Variants in DLGAP2 observed in about 807,000 individuals in gnomAD.
The protein encoded by DLGAP2 is disks large-associated protein 2.
In DLGAP2, 26 loss-of-function variants were observed where a neutral mutation model predicts 100.3. That is an observed-to-expected ratio of 0.26 (90% CI 0.19 to 0.36). The LOEUF is 0.36. Ranked by LOEUF, DLGAP2 falls within the 10% of genes least tolerant of loss-of-function variation. The probability of loss-of-function intolerance (pLI) is 1.00; values close to 1 mark genes in which losing one functional copy is unlikely to be tolerated. For missense variants in DLGAP2, 1,858 were observed against 1,453.2 expected, an observed-to-expected ratio of 1.28 and a Z score of -4.53; for synonymous variants, 886 against 630.1, an observed-to-expected ratio of 1.41 and a Z score of -6.08.
intron 3 of DLGAP2, among the ~76,000 whole-genome samples, chr8:1,334,150 G>C (rs964616952): frequency 1.3e-5 from 2 of 152,262 alleles, no homozygotes; most frequent in African/African-American, 2.4e-5. Context: ...GAGCTCCTCA[G>C]TGAGGTTCTG....
intron 4 of DLGAP2, among the ~76,000 whole-genome samples, chr8:1,524,988 G>A (rs1247526270): frequency 6.6e-6 from 1 of 152,080 alleles, no homozygotes; most frequent in African/African-American, 2.4e-5. Flanking sequence ...TTGTCCTTTT[G>A]TGGATGGCGG....
intron 2 of DLGAP2, among the ~76,000 whole-genome samples, chr8:1,181,989 T>A (rs539944840): frequency 5.3e-4 from 80 of 152,260 alleles, no homozygotes; most frequent in Non-Finnish European, 9.4e-4. Context: ...AGGCAGAAGG[T>A]GAAGTGGAGC....
Position 1,531,992 on chromosome 8 carries a change from G to GT in DLGAP2, c.173-16633dup, listed in dbSNP as rs1199889378. Among the ~76,000 whole-genome samples, 3 of 152,196 alleles carry GT rather than the reference G, an allele frequency of 2.0e-5. 1 individual carries two copies. The highest frequency in any genetic ancestry group is 4.8e-5 in the African/African-American group (2 of 41,442). On this transcript the variant is annotated intron_variant, in intron 4 of 14. Transcript: ENST00000637795. ...AGGGAGACATGAGACATTAATATAC[G>GT]TAAGAAGTACACTGGTTCCGTCCAG...
chr8:1,556,417 G>T (rs1400191705), intron 5 of DLGAP2, among the ~76,000 whole-genome samples: 2 of 152,148 alleles, frequency 1.3e-5, no homozygotes, highest in Non-Finnish European at 2.9e-5. Flanking sequence ...TTCCTCCCAG[G>T]GCAGCTAAGG....
chr8:1,334,439 T>A (rs963452311), intron 3 of DLGAP2, among the ~76,000 whole-genome samples: 6 of 152,162 alleles, frequency 3.9e-5, no homozygotes, highest in Non-Finnish European at 8.8e-5. Context: ...TCTGTAAATA[T>A]GTGCTGTGGG....
At chr8:798,345 T>G (rs1796078648) in intron 1 of DLGAP2, among the ~76,000 whole-genome samples, 1 of 140,470 alleles carries the variant, frequency 7.1e-6, no homozygotes, top group African/African-American at 2.7e-5. Context: ...AAACGCTTGT[T>G]GAGTCAGGAC....
rs1334727762 is a variant in DLGAP2 at position 1,296,525 on chromosome 8, C to T, written c.106+37642C>T. Reference sequence around the variant, plus strand: ...TTGGTGCTCGTGCTGATCTTTGTCGCTGCCTATCTTGCAGAGTGTGCGTTT... The same window carrying T: ...TTGGTGCTCGTGCTGATCTTTGTCGTTGCCTATCTTGCAGAGTGTGCGTTT... On this transcript the variant is annotated intron_variant, in intron 3 of 14. Transcript: ENST00000637795. 3.5e-5 allele frequency among the ~76,000 whole-genome samples: 5 copies of T among 144,784 alleles called. No individual in the cohort carries two copies. The East Asian group carries it at 8.3e-4, about 24-fold the overall frequency. 95.0% of individuals were successfully genotyped at this position (144,784 alleles called of 152,430 possible). A position where few individuals can be genotyped will look rare whatever the true frequency, so the allele number is the denominator to read the frequency against.
intron 2 of DLGAP2, among the ~76,000 whole-genome samples, chr8:1,146,145 C>G (rs994013449): frequency 6.6e-6 from 1 of 152,178 alleles, no homozygotes; most frequent in African/African-American, 2.4e-5. Context: ...ATCTCTGCAG[C>G]CACGAGGGTG....
intron 3 of DLGAP2, among the ~76,000 whole-genome samples, chr8:1,465,070 C>T (rs1017621745): frequency 1.3e-5 from 2 of 152,362 alleles, no homozygotes; most frequent in South Asian, 4.1e-4. Flanking sequence ...GGTCACCAGC[C>T]AGGGATCCCC....
At chr8:1,528,627 C>T (rs1800877468) in intron 4 of DLGAP2, among the ~76,000 whole-genome samples, 1 of 152,250 alleles carries the variant, frequency 6.6e-6, no homozygotes, top group African/African-American at 2.4e-5. Context: ...CCACCTTCCG[C>T]CTGGAGCCTC....
rs116676088 is a variant in DLGAP2, at chr8:1,469,298, C to T, written c.107-32068C>T. Among the ~76,000 whole-genome samples, 1,140 of 152,344 alleles carry T rather than the reference C, an allele frequency of 7.5e-3. 14 individuals carry two copies. The highest frequency in any genetic ancestry group is 0.026 in the African/African-American group (1,071 of 41,590). ...TGGCTCCCAGGACAACACCTTGCGG[C>T]ATTCAGCTCTGAGCTGCTCCCTGCC... On this transcript the variant is annotated intron_variant, in intron 3 of 14. Coordinates refer to ENST00000637795, the MANE Select transcript of DLGAP2 (RefSeq NM_001346810.2).
intron 3 of DLGAP2, among the ~76,000 whole-genome samples, chr8:1,295,797 A>C (rs182607662): frequency 6.6e-6 from 1 of 152,238 alleles, no homozygotes; most frequent in African/African-American, 2.4e-5. Context: ...CGTGACAGGG[A>C]AGTGGGAAGA....
intron 12 of DLGAP2, among the ~76,000 whole-genome samples, chr8:1,683,482 G>A (rs895088565): frequency 2.6e-5 from 4 of 151,314 alleles, no homozygotes; most frequent in African/African-American, 9.7e-5. Context: ...CATACCCTGG[G>A]GGATGATGGA....
intron 1 of DLGAP2, among the ~76,000 whole-genome samples, chr8:838,390 TA>T (rs1409974678): frequency 2.0e-5 from 3 of 151,828 alleles, no homozygotes; most frequent in Non-Finnish European, 2.9e-5. Flanking sequence ...ATCAGTATTT[TA>T]TTTTTTTATT....
At chr8:1,663,180 TGA>T (rs1419159230) in intron 8 of DLGAP2, among the ~76,000 whole-genome samples, 1 of 150,116 alleles carries the variant, frequency 6.7e-6, no homozygotes, top group Admixed American at 6.6e-5. Context: ...TGTACACGTG[TGA>T]GTGTGGGGTA....
intron 2 of DLGAP2, among the ~76,000 whole-genome samples, chr8:1,028,637 G>T (rs1306810033): frequency 6.6e-6 from 1 of 152,260 alleles, no homozygotes; most frequent in Non-Finnish European, 1.5e-5. Context: ...CTCAGAAGCT[G>T]TAGGATGCTC....
intron 2 of DLGAP2, among the ~76,000 whole-genome samples, chr8:1,085,386 C>G (rs1289342508): frequency 6.6e-6 from 1 of 152,154 alleles, no homozygotes; most frequent in Non-Finnish European, 1.5e-5. Flanking sequence ...TCTGTCTATG[C>G]TTTTGTTACC....
intron 3 of DLGAP2, among the ~76,000 whole-genome samples, chr8:1,349,473 T>C (rs543055856): frequency 9.4e-6 from 1 of 106,908 alleles, no homozygotes; most frequent in African/African-American, 3.2e-5. Flanking sequence ...TCCACTCATG[T>C]CATGAGCCTC....
At chr8:1,685,696 G>A (rs1799097085) in intron 12 of DLGAP2, among the ~76,000 whole-genome samples, 2 of 151,426 alleles carry the variant, frequency 1.3e-5, no homozygotes. Context: ...ATCTGACAAG[G>A]GACTAAGAAC....
Sources: gnomAD v4.1 joint callset for allele counts (sites outside exome capture counted in the v4.1 genomes callset) on GRCh38, gnomAD v4.1.1 for gene constraint, MANE v1.5 for transcripts, NCBI Gene and HGNC (gene_info 2026-07-23, HGNC 2026-07-21) for gene names.